The following AP3B1 variants were observed in gnomAD, a reference collection of about 807,000 sequenced individuals.
AP3B1 encodes the protein adaptor related protein complex 3 subunit beta 1.
Under a neutral mutation model 132.5 loss-of-function variants are expected in AP3B1, and 61 were observed. The observed-to-expected ratio is 0.46, with a 90% CI of 0.37 to 0.57. AP3B1 has a LOEUF of 0.57. AP3B1 is among the 20% of genes least tolerant of loss of function. The pLI, the probability that AP3B1 is intolerant of heterozygous loss-of-function variation, is 0.00. For synonymous variants in AP3B1, 388 were observed against 438.3 expected, an observed-to-expected ratio of 0.89 and a Z score of 1.43; for missense variants, 1,120 against 1,289.4, an observed-to-expected ratio of 0.87 and a Z score of 2.01.
chr5:78,288,864 G>A (rs1315194462), intron 1 of AP3B1, among the ~76,000 whole-genome samples: 1 of 150,776 alleles, frequency 6.6e-6, no homozygotes, highest in Non-Finnish European at 1.5e-5. Flanking sequence ...ATGAGATAAA[G>A]TTTAAATGAG....
chr5:78,128,146 G>A lies in AP3B1; in HGVS notation c.1852C>T (p.Gln618Ter). The A allele has an allele frequency of 1.2e-6, 2 of 1,606,058 alleles. No individual in the cohort carries two copies. Among genetic ancestry groups the A allele is most frequent in the Non-Finnish European group, 8.5e-7 (1 of 1,173,294 alleles). Reference sequence around the variant, plus strand: ...AGAGTATGAGATAAGGTGCCAAGCTGGAAATGATCTCTATCTATTAAAAAT... The same window carrying A: ...AGAGTATGAGATAAGGTGCCAAGCTAGAAATGATCTCTATCTATTAAAAAT... ...ESPFKDRDHF[Q>*]LGTLSHTLNI... Residue 618 changes from glutamine to a stop codon, truncating the protein, a stop_gained, in exon 17 of 27, where the codon CAG (glutamine) becomes TAG (stop). Coordinates refer to ENST00000255194, the MANE Select transcript of AP3B1 (RefSeq NM_003664.5). LOFTEE classifies it high-confidence loss of function.
intron 22 of AP3B1, chr5:78,089,172 T>A (rs1283681478): frequency 4.2e-6 from 2 of 476,366 alleles, no homozygotes; most frequent in Non-Finnish European, 7.6e-6. Flanking sequence ...GAGAAAAACA[T>A]ACAGATGATA....
rs369596896 is a variant in AP3B1 at position 78,117,340 on chromosome 5, C to T, written c.1969-1106G>A. 1.5e-4 allele frequency among the ~76,000 whole-genome samples: 23 copies of T among 149,254 alleles called. No individual in the cohort carries two copies. The East Asian group carries it at 2.2e-3, about 14-fold the overall frequency. On this transcript the variant is annotated intron_variant, in intron 17 of 26. Coordinates refer to ENST00000255194, the MANE Select transcript of AP3B1 (RefSeq NM_003664.5). ...TTTTTTTTTTTTTGAGACGGAGTCT[C>T]GCTCCGTCGCCCAGGCTGGAGTATG... is the stretch of plus-strand genomic sequence containing the variant.
At chr5:78,092,040 G>C (rs751255079) in intron 21 of AP3B1, among the ~76,000 whole-genome samples, 16 of 152,296 alleles carry the variant, frequency 1.1e-4, no homozygotes, top group Middle Eastern at 6.8e-3. Context: ...CTTCTAACTT[G>C]GATCATAATA....
intron 7 of AP3B1, among the ~76,000 whole-genome samples, chr5:78,197,218 T>G (rs1038596237): frequency 1.3e-5 from 2 of 152,158 alleles, no homozygotes; most frequent in Admixed American, 1.3e-4. Flanking sequence ...GTTTAATATA[T>G]CTGAACCTAT....
rs546327689 is a variant in AP3B1, at chr5:78,116,646, G to A, written c.1969-412C>T. Reference sequence around the variant, plus strand: ...AAAAAGAAAGAAAAGAAAATATTTAGTGTAGGCAATAAATTGCCCTAACCA... The same window carrying A: ...AAAAAGAAAGAAAAGAAAATATTTAATGTAGGCAATAAATTGCCCTAACCA... On this transcript the variant is annotated intron_variant, in intron 17 of 26. Transcript: ENST00000255194. 2.0e-5 allele frequency among the ~76,000 whole-genome samples: 3 copies of A among 151,864 alleles called. No homozygotes were observed. The East Asian group carries it at 5.8e-4, about 29-fold the overall frequency.
chr5:78,255,896 A>G (rs7724918), intron 2 of AP3B1, among the ~76,000 whole-genome samples: 84,963 of 151,940 alleles, frequency 0.56, 23,973 homozygotes, highest in Admixed American at 0.59. Context: ...CATCTTCTCT[A>G]ATCACAATAG....
intron 7 of AP3B1, among the ~76,000 whole-genome samples, chr5:78,215,194 A>G (rs1254182506): frequency 6.6e-6 from 1 of 151,972 alleles, no homozygotes; most frequent in African/African-American, 2.4e-5. Context: ...ATATAACAGG[A>G]GCTTTTTAAA....
At chr5:78,263,448 T>C (rs1020183613) in intron 2 of AP3B1, among the ~76,000 whole-genome samples, 1 of 152,198 alleles carries the variant, frequency 6.6e-6, no homozygotes, top group Non-Finnish European at 1.5e-5. Flanking sequence ...TGAATAAAAA[T>C]AATTTTACTT....
At chr5:78,086,770 A>T (rs1228174719) in intron 22 of AP3B1, among the ~76,000 whole-genome samples, 3 of 152,198 alleles carry the variant, frequency 2.0e-5, no homozygotes. Flanking sequence ...CAACTGTCTC[A>T]TTAGACACGT....
chr5:78,253,824 G>A (rs1019813948), intron 2 of AP3B1, among the ~76,000 whole-genome samples: 7 of 151,614 alleles, frequency 4.6e-5, no homozygotes, highest in South Asian at 4.2e-4. Flanking sequence ...AAAATTAGCC[G>A]GGCATGGTGG....
intron 24 of AP3B1, among the ~76,000 whole-genome samples, chr5:78,026,505 A>G (rs2112077567): frequency 6.6e-6 from 1 of 152,322 alleles, no homozygotes; most frequent in East Asian, 1.9e-4. Context: ...AAGGAAATAA[A>G]ATGAAATAAT....
intron 22 of AP3B1, among the ~76,000 whole-genome samples, chr5:78,050,411 A>G (rs1453045990): frequency 6.6e-6 from 1 of 152,186 alleles, no homozygotes; most frequent in Non-Finnish European, 1.5e-5. Context: ...ATGATTATGG[A>G]AATTTGCAAA....
chr5:78,068,917 T>C (rs1388860645), intron 22 of AP3B1, among the ~76,000 whole-genome samples: 1 of 152,180 alleles, frequency 6.6e-6, no homozygotes, highest in Non-Finnish European at 1.5e-5. Context: ...CATGATTAAG[T>C]CAGCTTCATC....
At chr5:78,254,640 A>C (rs1244261227) in intron 2 of AP3B1, among the ~76,000 whole-genome samples, 1 of 152,218 alleles carries the variant, frequency 6.6e-6, no homozygotes, top group East Asian at 1.9e-4. Flanking sequence ...AAACTTTCCC[A>C]AACAAAAGCT....
intron 22 of AP3B1, chr5:78,043,665 C>G (rs143931388): frequency 5.5e-5 from 25 of 454,738 alleles, no homozygotes; most frequent in Non-Finnish European, 8.3e-5. Flanking sequence ...GTGAAGGAAC[C>G]CCCAGCAGAG....
intron 1 of AP3B1, among the ~76,000 whole-genome samples, chr5:78,288,944 GA>G (rs35914690): frequency 0.027 from 3,687 of 138,886 alleles, 122 homozygotes; most frequent in East Asian, 0.091. Context: ...AATGTTAAAT[GA>G]AAAAAAAAAA....
rs571064765 is a variant in AP3B1, at chr5:78,228,704, G to A, written c.280-465C>T. On this transcript the variant is annotated intron_variant, in intron 3 of 26. Coordinates refer to ENST00000255194, the MANE Select transcript of AP3B1 (RefSeq NM_003664.5). ...ACCCTACCTCTTTAAAAAATAATAAGAGAAAGAATTTGGGCCCAGGCCACT... is the reference window on the plus strand; with the variant it reads ...ACCCTACCTCTTTAAAAAATAATAAAAGAAAGAATTTGGGCCCAGGCCACT... 2.0e-3 allele frequency among the ~76,000 whole-genome samples: 304 copies of A among 152,200 alleles called. 1 individual carries two copies. The highest frequency in any genetic ancestry group is 8.1e-3 in the South Asian group (39 of 4,824).
chr5:78,209,526 T>G (rs1462359067), intron 7 of AP3B1, among the ~76,000 whole-genome samples: 1 of 152,194 alleles, frequency 6.6e-6, no homozygotes, highest in Admixed American at 6.5e-5. Context: ...TGTCCTGCCT[T>G]TCCAGATTGA....
Sources: allele counts gnomAD v4.1 joint callset (sites outside exome capture counted in the v4.1 genomes callset), GRCh38; gene constraint gnomAD v4.1.1; transcripts MANE v1.5; gene names NCBI Gene and HGNC (gene_info 2026-07-23, HGNC 2026-07-21).